Variants in PRKG1 observed in about 807,000 individuals in gnomAD.
The protein encoded by PRKG1 is protein kinase cGMP-dependent 1.
A neutral mutation model predicts 88.1 loss-of-function variants in PRKG1; 35 were observed. The observed-to-expected ratio is 0.40, with a 90% CI of 0.30 to 0.53. The LOEUF (loss-of-function observed/expected upper bound fraction) is 0.53, where lower values mean the gene tolerates loss of function less well. PRKG1 is among the 20% of genes least tolerant of loss of function. The pLI, the probability that PRKG1 is intolerant of heterozygous loss-of-function variation, is 0.59. For synonymous variants in PRKG1, 303 were observed against 292.5 expected, an observed-to-expected ratio of 1.04 and a Z score of -0.37; for missense variants, 540 against 839.8, an observed-to-expected ratio of 0.64 and a Z score of 4.41.
At chr10:51,949,985 G>A (rs560120072) in intron 5 of PRKG1, among the ~76,000 whole-genome samples, 1 of 152,310 alleles carries the variant, frequency 6.6e-6, no homozygotes, top group African/African-American at 2.4e-5. Flanking sequence ...AATGAGGAAG[G>A]TGATAGCTGC....
At position 52,076,472 on chromosome 10, in the gene PRKG1, G is replaced by A. The variant is rs4935309; in HGVS notation, c.935+13841G>A. Among the ~76,000 whole-genome samples, 186 of 152,230 alleles carry A rather than the reference G, an allele frequency of 1.2e-3. 2 individuals are homozygous for A. The highest frequency in any genetic ancestry group is 0.01 in the Admixed American group (156 of 15,306). Reference sequence around the variant, plus strand: ...CTCAGGAGGCTGAGGCAGGAGAATCGCTTGAACCCAGGAGGCAGAGGTTGC... The same window carrying A: ...CTCAGGAGGCTGAGGCAGGAGAATCACTTGAACCCAGGAGGCAGAGGTTGC... On this transcript the variant is annotated intron_variant, in intron 7 of 17. Coordinates refer to ENST00000373980, the MANE Select transcript of PRKG1 (RefSeq NM_006258.4).
intron 5 of PRKG1, among the ~76,000 whole-genome samples, chr10:51,949,537 A>T (rs1263466664): frequency 6.6e-6 from 1 of 152,072 alleles, no homozygotes; most frequent in Non-Finnish European, 1.5e-5. Flanking sequence ...GAAGGAAATG[A>T]TAAGAAAAGC....
At chr10:51,930,495 C>CTTTTTT (rs3029977) in intron 5 of PRKG1, among the ~76,000 whole-genome samples, 4 of 104,472 alleles carry the variant, frequency 3.8e-5, no homozygotes, top group Non-Finnish European at 5.6e-5. Context: ...TTTTTTTCCT[C>CTTTTTT]TTTTTTTTTT....
rs1162719510 is a variant in PRKG1 at position 52,293,809 on chromosome 10, C to T, written c.1970C>T (p.Ser657Leu). The T allele has an allele frequency of 1.2e-6, 2 of 1,612,288 alleles. No individual in the cohort carries two copies. Among genetic ancestry groups the T allele is most frequent in the Non-Finnish European group, 1.7e-6 (2 of 1,179,028 alleles). ...LTPPIIPSVA[S>L]PTDTSNFDSF... ...CCTGTCCATTTTTTACAGGTTGCAT[C>T]ACCCACAGACACAAGTAATTTTGAC... Residue 657 changes from serine to leucine, a missense_variant, in exon 18 of 18, where the codon TCA becomes TTA. Ser to Leu is a moderately radical substitution (Grantham distance 145, BLOSUM62 -2). Coordinates refer to ENST00000373980, the MANE Select transcript of PRKG1 (RefSeq NM_006258.4).
At chr10:51,284,865 CT>C (rs5784867) in intron 2 of PRKG1, among the ~76,000 whole-genome samples, 6,440 of 51,540 alleles carry the variant, frequency 0.12, 491 homozygotes, top group African/African-American at 0.34. Context: ...GTTGTGGGTA[CT>C]TTTTTTTTTT....
chr10:52,178,534 T>C (rs1184217416), intron 9 of PRKG1, among the ~76,000 whole-genome samples: 1 of 152,104 alleles, frequency 6.6e-6, no homozygotes, highest in Non-Finnish European at 1.5e-5. Context: ...GTACTTTAAA[T>C]CTAATGTTTC....
intron 1 of PRKG1, among the ~76,000 whole-genome samples, chr10:51,112,329 C>T (rs543985053): frequency 2.0e-5 from 3 of 152,026 alleles, no homozygotes; most frequent in Non-Finnish European, 4.4e-5. Flanking sequence ...AAAAAGCTTT[C>T]GGGTTTTAAC....
At chr10:51,361,369 T>C (rs1345596664) in intron 2 of PRKG1, among the ~76,000 whole-genome samples, 2 of 151,950 alleles carry the variant, frequency 1.3e-5, no homozygotes, top group South Asian at 2.1e-4. Flanking sequence ...TGTTTTGCTC[T>C]ACTCTATCTT....
Position 51,834,047 on chromosome 10 carries a change from T to TTAGGGCTAAATAGTATTCCATTGTGTA in PRKG1, c.698+29387_698+29413dup, listed in dbSNP as rs1403173822. On this transcript the variant is annotated intron_variant, in intron 4 of 17. Transcript: ENST00000373980. ...AATGACAGAATTTCCTGTTTTCTTT[T>TTAGGGCTAAATAGTATTCCATTGTGTA]TAGGGCTAAATAGTATTCCATTGTG... Among the ~76,000 whole-genome samples, 27 of 152,204 alleles carry TTAGGGCTAAATAGTATTCCATTGTGTA rather than the reference T, an allele frequency of 1.8e-4. 1 individual carries two copies. The highest frequency in any genetic ancestry group is 3.4e-4 in the Non-Finnish European group (23 of 68,034).
intron 4 of PRKG1, among the ~76,000 whole-genome samples, chr10:51,877,550 A>G (rs926254081): frequency 5.9e-5 from 9 of 152,202 alleles, no homozygotes; most frequent in African/African-American, 1.9e-4. Context: ...TCATGCTTCC[A>G]AGTAAAATAT....
chr10:51,634,439 G>A (rs1436896293), intron 3 of PRKG1, among the ~76,000 whole-genome samples: 4 of 152,084 alleles, frequency 2.6e-5, no homozygotes, highest in African/African-American at 9.7e-5. Context: ...AGTTAGGGGA[G>A]CCATTCAGGT....
At chr10:51,353,765 A>C (rs1842303798) in intron 2 of PRKG1, among the ~76,000 whole-genome samples, 1 of 152,098 alleles carries the variant, frequency 6.6e-6, no homozygotes, top group African/African-American at 2.4e-5. Context: ...GAAAATAGTG[A>C]TACCATATCA....
intron 2 of PRKG1, among the ~76,000 whole-genome samples, chr10:51,165,379 A>G (rs986729969): frequency 3.9e-5 from 6 of 152,182 alleles, no homozygotes; most frequent in Admixed American, 1.3e-4. Context: ...GGCCTGCCCT[A>G]AAAGAGCTCC....
intron 3 of PRKG1, among the ~76,000 whole-genome samples, chr10:51,613,916 T>C (rs1838977590): frequency 6.6e-6 from 1 of 152,000 alleles, no homozygotes; most frequent in African/African-American, 2.4e-5. Flanking sequence ...TAACATATGG[T>C]CTATCCTGGA....
At chr10:51,661,402 T>A (rs1044566517) in intron 3 of PRKG1, among the ~76,000 whole-genome samples, 1 of 151,980 alleles carries the variant, frequency 6.6e-6, no homozygotes, top group African/African-American at 2.4e-5. Context: ...AACAACCCCA[T>A]CAAAAAGTGG....
At chr10:51,898,004 C>T (rs1281001719) in intron 4 of PRKG1, among the ~76,000 whole-genome samples, 1 of 152,100 alleles carries the variant, frequency 6.6e-6, no homozygotes, top group Non-Finnish European at 1.5e-5. Context: ...CCACCCTTAC[C>T]TCTTGATGTC....
At chr10:51,602,581 T>C (rs1215042152) in intron 3 of PRKG1, among the ~76,000 whole-genome samples, 1 of 151,856 alleles carries the variant, frequency 6.6e-6, no homozygotes, top group Non-Finnish European at 1.5e-5. Context: ...GGCTGATTTT[T>C]TTAATTTATT....
chr10:51,807,438 G>T (rs1839336288), intron 4 of PRKG1, among the ~76,000 whole-genome samples: 1 of 152,126 alleles, frequency 6.6e-6, no homozygotes, highest in Non-Finnish European at 1.5e-5. Flanking sequence ...AAAAAGACGG[G>T]TTAACAAGAG....
intron 1 of PRKG1, among the ~76,000 whole-genome samples, chr10:51,057,004 G>A (rs555141319): frequency 3.3e-5 from 5 of 152,156 alleles, no homozygotes; most frequent in East Asian, 1.9e-4. Flanking sequence ...CTTCTTTTCC[G>A]ATTTCTTGAA....
Sources: gnomAD v4.1 joint callset for allele counts (sites outside exome capture counted in the v4.1 genomes callset) on GRCh38, gnomAD v4.1.1 for gene constraint, MANE v1.5 for transcripts, NCBI Gene and HGNC (gene_info 2026-07-23, HGNC 2026-07-21) for gene names.